The following ASH1L variants were observed in gnomAD, a reference collection of about 807,000 sequenced individuals.
The protein encoded by ASH1L is ASH1 like histone lysine methyltransferase.
A neutral mutation model predicts 269.0 loss-of-function variants in ASH1L; 23 were observed. That is an observed-to-expected ratio of 0.09 (90% CI 0.06 to 0.12). ASH1L has a LOEUF of 0.12. Among genes scored for constraint, ASH1L ranks in the 10% least tolerant of loss-of-function variants. The pLI, the probability that ASH1L is intolerant of heterozygous loss-of-function variation, is 1.00. For synonymous variants in ASH1L, 1,187 were observed against 1,253.5 expected, an observed-to-expected ratio of 0.95 and a Z score of 1.12; for missense variants, 2,912 against 3,567.8, an observed-to-expected ratio of 0.82 and a Z score of 4.68.
rs1671500152 is a variant in ASH1L at position 155,555,155 on chromosome 1, A to AG, written c.-100+6997_-100+6998insC. On this transcript the variant is annotated intron_variant, in intron 1 of 27. Coordinates refer to ENST00000392403, the MANE Select transcript of ASH1L (RefSeq NM_018489.3). ...AGAAACCGTCTCAAAAAAAAAAAAA[A>AG]AAAGAATTAAAGTCTGACCTACAGT... Among the ~76,000 whole-genome samples the AG allele has an allele frequency of 2.0e-5, 3 of 151,536 alleles. No homozygotes were observed. The South Asian group carries it at 6.3e-4, about 32-fold the overall frequency.
chr1:155,477,906 C>T lies in ASH1L; in HGVS notation c.4964G>A (p.Arg1655Lys). ...HRKESLPSNE[R>K]AVQTLAGSQP... ...CTTACCTGCCAAAGTCTGTACTGCC[C>T]TTTCGTTAGAAGGCAGTGACTCCTT... The change falls in exon 3 of 28, where the codon AGG becomes AAG. Residue 1655 changes from arginine (R) to lysine (K), a missense_variant. Arg to Lys is a conservative substitution (Grantham distance 26). Around this residue, in one of 13 missense-constraint regions of ASH1L, gnomAD observed 789 missense variants for 897.6 expected, o/e 0.88. Transcript: ENST00000392403. 1 of 1,612,296 alleles carries T rather than the reference C, an allele frequency of 6.2e-7. No individual in the cohort carries two copies. Among genetic ancestry groups the T allele is most frequent in the Non-Finnish European group, 8.5e-7 (1 of 1,178,538 alleles).
At chr1:155,369,300 A>T (rs1655718703) in intron 12 of ASH1L, among the ~76,000 whole-genome samples, 1 of 152,294 alleles carries the variant, frequency 6.6e-6, no homozygotes, top group South Asian at 2.1e-4. Context: ...AAAAGAAATT[A>T]GCCGGGCGTG....
chr1:155,476,312 G>A (rs1354290155), intron 3 of ASH1L, among the ~76,000 whole-genome samples: 1 of 151,922 alleles, frequency 6.6e-6, no homozygotes, highest in Non-Finnish European at 1.5e-5. Context: ...CTTGAACCCG[G>A]GAGGCGGAGG....
intron 5 of ASH1L, among the ~76,000 whole-genome samples, chr1:155,422,485 TG>T (rs1389925684): frequency 6.6e-6 from 1 of 151,636 alleles, no homozygotes; most frequent in East Asian, 1.9e-4. Flanking sequence ...TGACCTCAGA[TG>T]ATTTACATGC....
Position 155,465,308 on chromosome 1 carries a change from A to C in ASH1L, c.4985-5410T>G, listed in dbSNP as rs867367905. ...AATTAGCAAAAAAAAAAAAAAAAAA[A>C]AAAACAGTGAATTAAATCAATAGTT... On this transcript the variant is annotated intron_variant, in intron 3 of 27. Coordinates refer to ENST00000392403, the MANE Select transcript of ASH1L (RefSeq NM_018489.3). 9.2e-3 allele frequency among the ~76,000 whole-genome samples: 1,393 copies of C among 151,410 alleles called. 25 individuals are homozygous for C. Among genetic ancestry groups the C allele is most frequent in the African/African-American group, 0.032 (1,325 of 41,120 alleles).
upstream of ASH1L, chr1:155,563,149 A>C (rs1309778961): frequency 4.4e-6 from 2 of 456,672 alleles, no homozygotes; most frequent in Non-Finnish European, 8.8e-6. Flanking sequence ...CGGCGAGCGG[A>C]TCGAGGACTG....
chr1:155,549,315 C>T (rs1671039736), intron 1 of ASH1L, among the ~76,000 whole-genome samples: 1 of 152,046 alleles, frequency 6.6e-6, no homozygotes. Context: ...TGCACTCTAG[C>T]CTGGATAACA....
At chr1:155,519,026 A>C (rs570069033) in intron 2 of ASH1L, among the ~76,000 whole-genome samples, 16 of 152,312 alleles carry the variant, frequency 1.1e-4, no homozygotes, top group African/African-American at 2.9e-4. Context: ...AATACCCAAA[A>C]ATTCAAAGCA....
At chr1:155,453,413 T>C (rs1663640161) in intron 4 of ASH1L, among the ~76,000 whole-genome samples, 2 of 152,292 alleles carry the variant, frequency 1.3e-5, no homozygotes, top group South Asian at 4.1e-4. Flanking sequence ...GCTTTACCAC[T>C]ATACTCCGTC....
chr1:155,533,799 T>C (rs963407590), intron 1 of ASH1L, among the ~76,000 whole-genome samples: 8 of 152,194 alleles, frequency 5.3e-5, no homozygotes, highest in Admixed American at 6.5e-5. Flanking sequence ...TTTGCTACGT[T>C]TGAAACTCTT....
intron 17 of ASH1L, 106 bp downstream of exon 17, chr1:155,352,600 T>A: frequency 8.3e-7 from 1 of 1,198,608 alleles, no homozygotes. Flanking sequence ...AGCCCAGGAG[T>A]CTGAGACTAG....
At chr1:155,548,260 G>A (rs1165341448) in intron 1 of ASH1L, among the ~76,000 whole-genome samples, 7 of 152,130 alleles carry the variant, frequency 4.6e-5, no homozygotes, top group East Asian at 3.9e-4. Flanking sequence ...AGTGGCTCAC[G>A]CCTGTAATCC....
At chr1:155,398,368 G>C (rs1164588190) in intron 6 of ASH1L, among the ~76,000 whole-genome samples, 1 of 152,178 alleles carries the variant, frequency 6.6e-6, no homozygotes, top group Non-Finnish European at 1.5e-5. Flanking sequence ...AGATGGTATA[G>C]CTTATAGGTC....
At chr1:155,402,276 G>A (rs140693281) in intron 6 of ASH1L, among the ~76,000 whole-genome samples, 10 of 152,110 alleles carry the variant, frequency 6.6e-5, no homozygotes, top group Non-Finnish European at 1.5e-4. Flanking sequence ...TTTGCCCTGG[G>A]GATATGAATT....
At chr1:155,364,166 G>A (rs1655210217) in intron 12 of ASH1L, among the ~76,000 whole-genome samples, 1 of 152,042 alleles carries the variant, frequency 6.6e-6, no homozygotes, top group Admixed American at 6.6e-5. Flanking sequence ...AGGGTGGCAT[G>A]CACCTGTGGT....
At chr1:155,387,288 T>G (rs1657518028) in intron 7 of ASH1L, among the ~76,000 whole-genome samples, 1 of 152,206 alleles carries the variant, frequency 6.6e-6, no homozygotes, top group Admixed American at 6.5e-5. Context: ...TTGAAGTTTT[T>G]AATCCATATT....
At position 155,408,334 on chromosome 1, in the gene ASH1L, C is replaced by T. The variant is rs144514040; in HGVS notation, c.6008+7410G>A. ...TATAAAATTTATACACTTGTGTGTA[C>T]GCACATTTTTTTCATTCCATGGTAC... is the stretch of plus-strand genomic sequence containing the variant. On this transcript the variant is annotated intron_variant, in intron 6 of 27. Transcript: ENST00000392403. Among the ~76,000 whole-genome samples, 577 of 152,208 alleles carry T rather than the reference C, an allele frequency of 3.8e-3. 5 individuals carry two copies. The highest frequency in any genetic ancestry group is 0.013 in the African/African-American group (550 of 41,528).
chr1:155,388,710 C>A (rs1041628597), intron 7 of ASH1L, among the ~76,000 whole-genome samples: 14 of 111,878 alleles, frequency 1.3e-4, no homozygotes, highest in Non-Finnish European at 1.9e-4. Flanking sequence ...TCCTGAATTG[C>A]GATTCTTTTT....
At chr1:155,529,497 A>T (rs1669512803) in intron 1 of ASH1L, among the ~76,000 whole-genome samples, 1 of 152,008 alleles carries the variant, frequency 6.6e-6, no homozygotes, top group South Asian at 2.1e-4. Flanking sequence ...TTCTTTTGAG[A>T]AGTGTCTGTT....
Sources: allele counts gnomAD v4.1 joint callset (sites outside exome capture counted in the v4.1 genomes callset), GRCh38; gene constraint gnomAD v4.1.1; regional missense constraint gnomAD v4.1.1; transcripts MANE v1.5; gene names NCBI Gene and HGNC (gene_info 2026-07-23, HGNC 2026-07-21).